NSUN2: variants seen among roughly 807,000 people sequenced by gnomAD.
NSUN2 encodes the protein RNA cytosine C(5)-methyltransferase NSUN2.
Under a neutral mutation model 92.7 loss-of-function variants are expected in NSUN2, and 63 were observed. The observed-to-expected ratio is 0.68, with a 90% CI of 0.56 to 0.84. The LOEUF is 0.84. Among genes scored for constraint, NSUN2 ranks in the 40% least tolerant of loss-of-function variants. The probability of loss-of-function intolerance (pLI) is 0.00; values close to 1 mark genes in which losing one functional copy is unlikely to be tolerated. For synonymous variants in NSUN2, 356 were observed against 348.3 expected (o/e 1.02, Z -0.25); for missense variants, 989 against 964.9 (o/e 1.02, Z -0.33).
In NSUN2 at chr5:6,618,574, A is replaced by C. The variant is rs567168797; in HGVS notation, c.816-550T>G. ...AAAAACTCAGTTAATCAACAATGGC[A>C]TTTTAATCAGAATTATATGAATAAT... is the stretch of plus-strand genomic sequence containing the variant. On this transcript the variant is annotated intron_variant, in intron 7 of 18. Coordinates refer to ENST00000264670, the MANE Select transcript of NSUN2 (RefSeq NM_017755.6). Among the ~76,000 whole-genome samples the C allele has an allele frequency of 3.8e-4, 58 of 152,320 alleles. No homozygotes were observed. The South Asian group carries it at 4.4e-3, about 11-fold the overall frequency.
intron 3 of NSUN2, among the ~76,000 whole-genome samples, chr5:6,626,549 G>A (rs1291775653): frequency 6.6e-6 from 1 of 152,090 alleles, no homozygotes; most frequent in African/African-American, 2.4e-5. Flanking sequence ...TGGTTTTGCC[G>A]TGTTGGCCAG....
intron 18 of NSUN2, 106 bp from the exon 19 acceptor site, chr5:6,600,338 A>C: frequency 9.9e-7 from 1 of 1,014,984 alleles, no homozygotes; most frequent in African/African-American, 1.6e-5. Flanking sequence ...GAAAACCCAT[A>C]CCCACAAAAC....
intron 18 of NSUN2, among the ~76,000 whole-genome samples, chr5:6,600,952 G>A (rs765105410): frequency 6.6e-6 from 1 of 152,008 alleles, no homozygotes; most frequent in African/African-American, 2.4e-5. Context: ...AGGCATCGAC[G>A]CCCCAGCAGA....
At chr5:6,621,992 T>G in intron 6 of NSUN2, 24 bp downstream of exon 6, 3 of 1,596,182 alleles carry the variant, frequency 1.9e-6, no homozygotes, top group Non-Finnish European at 2.6e-6. Context: ...TTCCTACCAT[T>G]TTGAACACAA....
intron 3 of NSUN2, among the ~76,000 whole-genome samples, chr5:6,628,311 G>C (rs1300570284): frequency 6.6e-6 from 1 of 152,032 alleles, no homozygotes; most frequent in Non-Finnish European, 1.5e-5. Flanking sequence ...TCATGCCACT[G>C]CACTCCAACC....
At chr5:6,605,113 T>C in intron 15 of NSUN2, 160 bp downstream of exon 15, 1 of 943,356 alleles carries the variant, frequency 1.1e-6, no homozygotes, top group Non-Finnish European at 1.6e-6. Context: ...CCTGTGTCAG[T>C]CAACAGCTCT....
chr5:6,601,167 A>T (rs895953989), intron 18 of NSUN2, among the ~76,000 whole-genome samples: 3 of 88,414 alleles, frequency 3.4e-5, no homozygotes, highest in Non-Finnish European at 6.4e-5. Flanking sequence ...TCTTCTTAAA[A>T]AAAAAAAACC....
chr5:6,630,925 C>A (rs1022943455), intron 3 of NSUN2, among the ~76,000 whole-genome samples: 1 of 152,102 alleles, frequency 6.6e-6, no homozygotes, highest in East Asian at 1.9e-4. Flanking sequence ...AAACCCGTCT[C>A]CACTAAAAAT....
intron 6 of NSUN2, chr5:6,621,812 C>T (rs1480570189): frequency 2.0e-6 from 1 of 488,528 alleles, no homozygotes; most frequent in Admixed American, 3.7e-5. Context: ...AAATAAAGCT[C>T]CCCCATGGTA....
intron 4 of NSUN2, 55 bp from the exon 5 acceptor site, chr5:6,623,340 C>G: frequency 7.3e-7 from 1 of 1,363,316 alleles, no homozygotes; most frequent in East Asian, 2.4e-5. Context: ...AAACCGCAGA[C>G]AATTTCAATC....
chr5:6,629,471 C>T (rs949197656), intron 3 of NSUN2, among the ~76,000 whole-genome samples: 3 of 152,198 alleles, frequency 2.0e-5, no homozygotes, highest in Non-Finnish European at 4.4e-5. Flanking sequence ...TAGACACATG[C>T]TGAAACGTTC....
At chr5:6,607,481 ATAT>A in intron 12 of NSUN2, 97 bp from the exon 13 acceptor site, 2 of 1,060,742 alleles carry the variant, frequency 1.9e-6, no homozygotes, top group Non-Finnish European at 2.8e-6. Context: ...TCCATCAGTT[ATAT>A]TTTTCTACAG....
intron 3 of NSUN2, among the ~76,000 whole-genome samples, chr5:6,627,891 C>G (rs1737718877): frequency 6.6e-6 from 1 of 152,146 alleles, no homozygotes; most frequent in Non-Finnish European, 1.5e-5. Flanking sequence ...TTACTTACTT[C>G]AAATTTAGCT....
chr5:6,617,781 C>T (rs1445808788), intron 8 of NSUN2, among the ~76,000 whole-genome samples, 169 bp downstream of exon 8: 2 of 152,218 alleles, frequency 1.3e-5, no homozygotes, highest in Non-Finnish European at 2.9e-5. Flanking sequence ...GCAGTTATTG[C>T]TCTTGAAAGG....
intron 10 of NSUN2, 133 bp downstream of exon 10, chr5:6,611,592 A>C: frequency 1.4e-6 from 1 of 709,768 alleles, no homozygotes; most frequent in Non-Finnish European, 2.4e-6. Flanking sequence ...TAACACTCCG[A>C]AATTGATTCT....
Position 6,599,960 on chromosome 5 carries a change from C to A in NSUN2, c.2270G>T (p.Gly757Val), listed in dbSNP as rs748725834. 5.6e-6 allele frequency: 9 copies of A among 1,613,918 alleles called. No homozygotes were observed. In the African/African-American group the frequency reaches 6.7e-5, roughly 12 times the overall value. ...TGGATGGACCCCCGCCGGGTCACAGCCTGCTGTCACGTCTGGACTGTTGGC... is the reference window on the plus strand; with the variant it reads ...TGGATGGACCCCCGCCGGGTCACAGACTGCTGTCACGTCTGGACTGTTGGC... ...EEANSPDVTA[G>V]CDPAGVHPPR Residue 757 changes from glycine (G) to valine (V), a missense_variant, in exon 19 of 19, where the codon GGC (glycine) becomes GTC (valine). Gly to Val is a moderately radical substitution (Grantham distance 109, BLOSUM62 -3). Around this residue, in one of 3 missense-constraint regions of NSUN2, gnomAD observed 626 missense variants for 602.3 expected, o/e 1.04. Coordinates refer to ENST00000264670, the MANE Select transcript of NSUN2 (RefSeq NM_017755.6).
intron 5 of NSUN2, 101 bp downstream of exon 5, chr5:6,623,113 A>C: frequency 1.1e-6 from 1 of 908,892 alleles, no homozygotes; most frequent in Non-Finnish European, 1.7e-6. Context: ...AGAAGAAAAA[A>C]AGGACTAATT....
chr5:6,631,712 G>A (rs1021737276), intron 3 of NSUN2, among the ~76,000 whole-genome samples, 161 bp downstream of exon 3: 4 of 152,246 alleles, frequency 2.6e-5, no homozygotes, highest in African/African-American at 4.8e-5. Context: ...AACTTGCGTA[G>A]CAATATAATG....
chr5:6,606,441 G>A (rs188585412), intron 14 of NSUN2, among the ~76,000 whole-genome samples: 2,482 of 152,106 alleles, frequency 0.016, 32 homozygotes, highest in South Asian at 0.03. Flanking sequence ...CCGCCACCAC[G>A]CCCGGCTAAT....
Sources: allele counts gnomAD v4.1 joint callset (sites outside exome capture counted in the v4.1 genomes callset), GRCh38; gene constraint gnomAD v4.1.1; regional missense constraint gnomAD v4.1.1; transcripts MANE v1.5; gene names NCBI Gene and HGNC (gene_info 2026-07-23, HGNC 2026-07-21).